The following CACNA1C variants were observed in gnomAD, a reference collection of about 807,000 sequenced individuals.
The protein encoded by CACNA1C is calcium voltage-gated channel subunit alpha1 C, also known as voltage-dependent L-type calcium channel subunit alpha-1C.
Under a neutral mutation model 229.0 loss-of-function variants are expected in CACNA1C, and 30 were observed. The observed-to-expected ratio is 0.13, with a 90% CI of 0.10 to 0.18. CACNA1C has a LOEUF of 0.18. Among genes scored for constraint, CACNA1C ranks in the 10% least tolerant of loss-of-function variants. The probability of loss-of-function intolerance (pLI) is 1.00; values close to 1 mark genes in which losing one functional copy is unlikely to be tolerated. For missense variants in CACNA1C, 1,658 were observed against 2,845.0 expected (o/e 0.58, Z 9.49); for synonymous variants, 1,114 against 1,132.5 (o/e 0.98, Z 0.33).
chr12:2,374,392 CT>C (rs2097966800), intron 3 of CACNA1C, among the ~76,000 whole-genome samples: 1 of 152,208 alleles, frequency 6.6e-6, no homozygotes, highest in African/African-American at 2.4e-5. Flanking sequence ...TCCCTAAGCC[CT>C]GCTTATTTTC....
At chr12:2,139,476 G>A (rs886301324) in intron 3 of CACNA1C, among the ~76,000 whole-genome samples, 2 of 150,338 alleles carry the variant, frequency 1.3e-5, no homozygotes, top group African/African-American at 4.9e-5. Context: ...CACAGATCCA[G>A]TGCAGTACCT....
chr12:2,583,917 A>G (rs1181760346), intron 15 of CACNA1C, among the ~76,000 whole-genome samples: 2 of 152,178 alleles, frequency 1.3e-5, no homozygotes, highest in Non-Finnish European at 2.9e-5. Context: ...CCTTCCAGCT[A>G]TGCTTTCGTT....
intron 13 of CACNA1C, among the ~76,000 whole-genome samples, chr12:2,577,040 G>A (rs1001762971): frequency 6.6e-6 from 1 of 152,210 alleles, no homozygotes; most frequent in Non-Finnish European, 1.5e-5. Flanking sequence ...GTGATGCCAG[G>A]CCCTGGGCAG....
chr12:2,578,256 C>G (rs1452342772), intron 13 of CACNA1C, among the ~76,000 whole-genome samples: 1 of 152,216 alleles, frequency 6.6e-6, no homozygotes, highest in East Asian at 1.9e-4. Flanking sequence ...GTGAGCTCCA[C>G]TGACGTCTGC....
At chr12:2,629,874 C>G (rs758711560) in intron 29 of CACNA1C, among the ~76,000 whole-genome samples, 6 of 152,234 alleles carry the variant, frequency 3.9e-5, no homozygotes, top group Non-Finnish European at 8.8e-5. Flanking sequence ...TCTCAGCCCA[C>G]CCCTATCAGT....
intron 3 of CACNA1C, among the ~76,000 whole-genome samples, chr12:2,143,589 G>A (rs1167514845): frequency 2.0e-5 from 3 of 151,340 alleles, no homozygotes; most frequent in South Asian, 2.1e-4. Flanking sequence ...GGAGCACTAG[G>A]CTGTATGTAG....
At chr12:2,510,779 T>A (rs1344796966) in intron 8 of CACNA1C, among the ~76,000 whole-genome samples, 1 of 151,856 alleles carries the variant, frequency 6.6e-6, no homozygotes, top group Non-Finnish European at 1.5e-5. Context: ...CCCAGAGGGG[T>A]GCAAATGGAG....
Position 2,232,227 on chromosome 12 carries a change from G to GTTT in CACNA1C, c.477+111820_477+111822dup, listed in dbSNP as rs1169407536. Among the ~76,000 whole-genome samples the GTTT allele has an allele frequency of 6.5e-3, 475 of 73,454 alleles. 2 individuals are homozygous for GTTT. The highest frequency in any genetic ancestry group is 0.012 in the Middle Eastern group (1 of 86). The allele number at this position is 73,454 out of a possible 152,430, so 48.2% of individuals were successfully genotyped here. A position where few individuals can be genotyped will look rare whatever the true frequency, so the allele number is the denominator to read the frequency against. On this transcript the variant is annotated intron_variant, in intron 3 of 46. Transcript: ENST00000399655. Reference sequence around the variant, plus strand: ...TGGTGGTAGTTCTCAGTCTTTCCTTGTTTTTTTTTTTTTTTTTTTTTTTTT... The same window carrying GTTT: ...TGGTGGTAGTTCTCAGTCTTTCCTTGTTTTTTTTTTTTTTTTTTTTTTTTTTTT...
At chr12:1,998,010 T>A (rs754019929) in intron 1 of CACNA1C, 4 of 1,578,590 alleles carry the variant, frequency 2.5e-6, no homozygotes, top group Middle Eastern at 1.7e-4. Context: ...AAGACATGTA[T>A]GTTCTCTTCA....
chr12:2,497,263 G>A (rs2154574638), intron 7 of CACNA1C, among the ~76,000 whole-genome samples: 1 of 152,336 alleles, frequency 6.6e-6, no homozygotes, highest in South Asian at 2.1e-4. Context: ...ACTGTGGGCA[G>A]TCACAATCAG....
chr12:2,449,380 C>T (rs979255353), intron 4 of CACNA1C, among the ~76,000 whole-genome samples: 3 of 152,192 alleles, frequency 2.0e-5, no homozygotes, highest in Non-Finnish European at 4.4e-5. Flanking sequence ...AAGGAGGGGT[C>T]AGGCTTCTCC....
intron 3 of CACNA1C, among the ~76,000 whole-genome samples, chr12:2,246,528 C>G (rs2073315768): frequency 1.3e-5 from 2 of 152,258 alleles, no homozygotes; most frequent in Non-Finnish European, 2.9e-5. Flanking sequence ...AATAGGCACT[C>G]CTGTAACTGC....
intron 3 of CACNA1C, among the ~76,000 whole-genome samples, chr12:2,140,265 C>G (rs1307420210): frequency 6.6e-6 from 1 of 151,374 alleles, no homozygotes; most frequent in South Asian, 2.1e-4. Flanking sequence ...CGGAGACCCT[C>G]CAGCAAGAGG....
chr12:2,378,486 T>A (rs528823078), intron 3 of CACNA1C, among the ~76,000 whole-genome samples: 2 of 152,300 alleles, frequency 1.3e-5, no homozygotes, highest in African/African-American at 4.8e-5. Context: ...CGTAAGCACA[T>A]AGATGCCAAC....
In CACNA1C at chr12:2,488,439, C is replaced by T. The variant is rs542398113; in HGVS notation, c.916+2177C>T. 2.6e-5 allele frequency among the ~76,000 whole-genome samples: 4 copies of T among 152,308 alleles called. No individual in the cohort carries two copies. Among genetic ancestry groups the T allele is most frequent in the African/African-American group, 9.6e-5 (4 of 41,562 alleles). Reference sequence around the variant, plus strand: ...GAGGTCGCCCCAACGCCCCAAGTACCGAACCTGTCATGGCCTCCTCTTCTC... The same window carrying T: ...GAGGTCGCCCCAACGCCCCAAGTACTGAACCTGTCATGGCCTCCTCTTCTC... On this transcript the variant is annotated intron_variant, in intron 6 of 46. Coordinates refer to ENST00000399655, the MANE Select transcript of CACNA1C (RefSeq NM_000719.7). This position sits in a 1 kb window ranked among gnomAD's most constrained non-coding sequence, Gnocchi z 4.0.
intron 42 of CACNA1C, chr12:2,680,369 C>A: frequency 6.4e-7 from 1 of 1,551,786 alleles, no homozygotes; most frequent in Non-Finnish European, 8.7e-7. Flanking sequence ...CTAGGATGCA[C>A]TGCTGTGACA....
intron 11 of CACNA1C, among the ~76,000 whole-genome samples, chr12:2,564,582 T>C (rs1290256788): frequency 6.6e-6 from 1 of 152,124 alleles, no homozygotes; most frequent in Non-Finnish European, 1.5e-5. Flanking sequence ...CCCATTTTTC[T>C]CATAACTGAC....
chr12:2,672,608 G>A (rs949935697), intron 38 of CACNA1C, among the ~76,000 whole-genome samples: 1 of 152,174 alleles, frequency 6.6e-6, no homozygotes, highest in Admixed American at 6.5e-5. Context: ...CACGCCATCT[G>A]TGCCTCCATC....
chr12:2,124,665 A>G (rs1242750405), intron 3 of CACNA1C, among the ~76,000 whole-genome samples: 1 of 152,194 alleles, frequency 6.6e-6, no homozygotes, highest in Non-Finnish European at 1.5e-5. Flanking sequence ...CAATAAGGAT[A>G]GAGAGGGGGC....
Sources: allele counts gnomAD v4.1 joint callset (sites outside exome capture counted in the v4.1 genomes callset), GRCh38; gene constraint gnomAD v4.1.1; non-coding constraint Gnocchi (gnomAD v3.1); transcripts MANE v1.5; gene names NCBI Gene and HGNC (gene_info 2026-07-23, HGNC 2026-07-21).